The following MSI2 variants were observed in gnomAD, a reference collection of about 807,000 sequenced individuals.
MSI2 encodes RNA-binding protein Musashi homolog 2.
In MSI2, 17 loss-of-function variants were observed where a neutral mutation model predicts 45.6. The ratio of observed to expected loss-of-function variants is 0.37; its 90% CI spans 0.26 to 0.56. The LOEUF (loss-of-function observed/expected upper bound fraction) is 0.56. MSI2 is among the 20% of genes least tolerant of loss of function. The probability of loss-of-function intolerance (pLI) is 0.77; values close to 1 mark genes in which losing one functional copy is unlikely to be tolerated. For missense variants in MSI2, 293 were observed against 444.2 expected, an observed-to-expected ratio of 0.66 and a Z score of 3.06; for synonymous variants, 156 against 158.2, an observed-to-expected ratio of 0.99 and a Z score of 0.11.
chr17:57,310,506 G>A (rs1332235189), intron 5 of MSI2, among the ~76,000 whole-genome samples: 2 of 152,044 alleles, frequency 1.3e-5, no homozygotes, highest in Non-Finnish European at 2.9e-5. Context: ...GCTAATTTTT[G>A]TATTTTTAGT....
chr17:57,559,566 T>C lies in MSI2; in HGVS notation c.454+29842T>C, dbSNP rs557543610. The stretch of plus-strand genomic sequence containing the variant: ...CATCCATAGCCATATAGAATCCTAG[T>C]GGTGAACATGCAACACCCCTGAGAG... On this transcript the variant is annotated intron_variant, in intron 7 of 13. Transcript: ENST00000284073. 6.6e-5 allele frequency among the ~76,000 whole-genome samples: 10 copies of C among 152,274 alleles called. No individual in the cohort carries two copies. The South Asian group carries it at 1.7e-3, about 25-fold the overall frequency.
intron 7 of MSI2, among the ~76,000 whole-genome samples, chr17:57,567,066 G>A (rs1392648888): frequency 1.3e-5 from 2 of 152,160 alleles, no homozygotes; most frequent in African/African-American, 2.4e-5. Context: ...ACAAATGCTC[G>A]TTCTTATTAA....
At chr17:57,471,719 G>A (rs886398709) in intron 6 of MSI2, among the ~76,000 whole-genome samples, 4 of 151,076 alleles carry the variant, frequency 2.6e-5, no homozygotes, top group South Asian at 2.1e-4. Context: ...CCCCGCCTGC[G>A]TGCTGCCCCC....
chr17:57,332,810 G>A (rs565804817), intron 5 of MSI2, among the ~76,000 whole-genome samples: 1 of 152,288 alleles, frequency 6.6e-6, no homozygotes, highest in South Asian at 2.1e-4. Context: ...TGGATCACGA[G>A]GTCAAGAGAT....
At position 57,660,430 on chromosome 17, in the gene MSI2, G is replaced by A. The variant is rs183418364; in HGVS notation, c.790+8269G>A. ...GAAAACCTGCATGCTGATAAGAGGG[G>A]AAAAGGAAGAATGATGCCAGAGAGA... On this transcript the variant is annotated intron_variant, in intron 11 of 13. Transcript: ENST00000284073. Among the ~76,000 whole-genome samples, 496 of 152,328 alleles carry A rather than the reference G, an allele frequency of 3.3e-3. 1 individual carries two copies. The highest frequency in any genetic ancestry group is 0.011 in the African/African-American group (469 of 41,574).
chr17:57,272,986 A>G (rs1243448300), intron 5 of MSI2, among the ~76,000 whole-genome samples: 2 of 152,166 alleles, frequency 1.3e-5, no homozygotes, highest in Admixed American at 6.5e-5. Context: ...CTAGAGGCAA[A>G]CAAGCAAAAA....
chr17:57,562,053 C>T (rs1048294019), intron 7 of MSI2, among the ~76,000 whole-genome samples: 10 of 152,168 alleles, frequency 6.6e-5, no homozygotes, highest in African/African-American at 2.4e-4. Context: ...GATGTGATTG[C>T]TATAGATTAA....
intron 11 of MSI2, among the ~76,000 whole-genome samples, chr17:57,666,641 T>C (rs1217941318): frequency 2.6e-5 from 4 of 152,202 alleles, no homozygotes; most frequent in African/African-American, 4.8e-5. Flanking sequence ...GATTTCACAG[T>C]GTTTTCTTTT....
At chr17:57,610,447 G>A (rs1378391075) in intron 8 of MSI2, among the ~76,000 whole-genome samples, 2 of 90,544 alleles carry the variant, frequency 2.2e-5, no homozygotes, top group Non-Finnish European at 5.0e-5. Context: ...GCAAGACTCC[G>A]TCTAAAAAAA....
At chr17:57,636,263 C>G (rs564199622) in intron 10 of MSI2, among the ~76,000 whole-genome samples, 1 of 152,174 alleles carries the variant, frequency 6.6e-6, no homozygotes, top group Non-Finnish European at 1.5e-5. Context: ...GAGAGAGAAG[C>G]CTTGGCCATA....
At chr17:57,425,604 G>A (rs1049284533) in intron 6 of MSI2, among the ~76,000 whole-genome samples, 2 of 152,110 alleles carry the variant, frequency 1.3e-5, no homozygotes, top group East Asian at 1.9e-4. Context: ...CTGTGATATC[G>A]ATGCACTATG....
chr17:57,350,227 T>TGTGTGTGTGTGTGA (rs757440999), intron 5 of MSI2, among the ~76,000 whole-genome samples: 2 of 145,422 alleles, frequency 1.4e-5, no homozygotes, highest in African/African-American at 5.0e-5. Context: ...GAGGTAGGGG[T>TGTGTGTGTGTGTGA]GTGTGTGTGT....
chr17:57,465,653 G>C (rs940998116), intron 6 of MSI2, among the ~76,000 whole-genome samples: 8 of 152,128 alleles, frequency 5.3e-5, no homozygotes, highest in African/African-American at 1.9e-4. Context: ...GTGGGTGCTG[G>C]CCTTCCCTTT....
intron 10 of MSI2, among the ~76,000 whole-genome samples, chr17:57,642,532 C>T (rs1173145959): frequency 1.3e-5 from 2 of 152,160 alleles, no homozygotes; most frequent in Non-Finnish European, 2.9e-5. Flanking sequence ...AAGAGTGAGC[C>T]ACGGCCTCCT....
intron 6 of MSI2, among the ~76,000 whole-genome samples, chr17:57,503,223 A>G (rs2086155777): frequency 6.6e-6 from 1 of 152,250 alleles, no homozygotes; most frequent in African/African-American, 2.4e-5. Context: ...CAGCTACCCA[A>G]TAGTGATACA....
intron 6 of MSI2, among the ~76,000 whole-genome samples, chr17:57,488,692 T>C (rs1467590770): frequency 6.6e-6 from 1 of 151,890 alleles, no homozygotes; most frequent in Admixed American, 6.6e-5. Context: ...GGTATGGTGG[T>C]GTGTGCCTGT....
intron 6 of MSI2, among the ~76,000 whole-genome samples, chr17:57,475,139 T>C (rs562949839): frequency 1.3e-5 from 2 of 152,340 alleles, no homozygotes; most frequent in East Asian, 3.9e-4. Flanking sequence ...ATCTGTGGTA[T>C]GCAAGGCACT....
In MSI2 at chr17:57,674,988, G is replaced by A. The variant is rs200631438; in HGVS notation, c.807G>A (p.Arg269=). Residue 269 remains arginine (R), a synonymous_variant, in exon 12 of 14, where the codon CGG becomes CGA. Coordinates refer to ENST00000284073, the MANE Select transcript of MSI2 (RefSeq NM_138962.4). The stretch of plus-strand genomic sequence containing the variant: ...CCCCGGCAGGCTCCAACCCGGCGCG[G>A]CCCGGAGGCTTCCCGGGGGCCAACA... The part of the protein sequence containing the change: ...AARGSGSNPA[R]PGGFPGANSP... 7.4e-6 allele frequency: 12 copies of A among 1,613,422 alleles called. No individual in the cohort carries two copies. In the East Asian group the frequency reaches 2.7e-4, roughly 36 times the overall value.
chr17:57,556,514 T>G (rs997979637), intron 7 of MSI2, among the ~76,000 whole-genome samples: 8 of 152,178 alleles, frequency 5.3e-5, no homozygotes, highest in Admixed American at 1.3e-4. Flanking sequence ...GCCATCAGTC[T>G]TTGGGGTGGG....
Sources: gnomAD v4.1 joint callset for allele counts (sites outside exome capture counted in the v4.1 genomes callset) on GRCh38, gnomAD v4.1.1 for gene constraint, MANE v1.5 for transcripts, NCBI Gene and HGNC (gene_info 2026-07-23, HGNC 2026-07-21) for gene names.